Variants in LRP1B observed in about 807,000 individuals in gnomAD.
The protein encoded by LRP1B is LDL receptor related protein 1B, also known as low-density lipoprotein receptor-related protein 1B.
A neutral mutation model predicts 556.6 loss-of-function variants in LRP1B; 217 were observed. The observed-to-expected ratio is 0.39, with a 90% confidence interval of 0.35 to 0.44. The LOEUF is 0.44. LRP1B is among the 20% of genes least tolerant of loss of function. LRP1B has a pLI of 1.00. For missense variants in LRP1B, 5,053 were observed against 5,620.8 expected (o/e 0.90, Z 3.23); for synonymous variants, 2,047 against 1,865.8 (o/e 1.10, Z -2.50).
At chr2:141,128,766 A>G (rs1701279030) in intron 7 of LRP1B, among the ~76,000 whole-genome samples, 1 of 152,134 alleles carries the variant, frequency 6.6e-6, no homozygotes, top group South Asian at 2.1e-4. Context: ...GATTACAGGC[A>G]TGCGCCACCA....
At chr2:141,365,859 G>A (rs1025640736) in intron 3 of LRP1B, among the ~76,000 whole-genome samples, 1 of 151,886 alleles carries the variant, frequency 6.6e-6, no homozygotes, top group Non-Finnish European at 1.5e-5. Flanking sequence ...ATTTTTAGTA[G>A]AGACGGGGTT....
At chr2:142,125,328 G>A (rs139315803) in intron 1 of LRP1B, among the ~76,000 whole-genome samples, 2 of 151,694 alleles carry the variant, frequency 1.3e-5, no homozygotes, top group Non-Finnish European at 3.0e-5. Flanking sequence ...CTAAAATAGA[G>A]GGTTCATATG....
At chr2:141,672,521 A>C (rs1156465397) in intron 2 of LRP1B, among the ~76,000 whole-genome samples, 2 of 152,288 alleles carry the variant, frequency 1.3e-5, no homozygotes, top group South Asian at 2.1e-4. Context: ...GCAGGACTGA[A>C]CTTATAATGT....
chr2:141,199,026 C>T (rs1188653424), intron 6 of LRP1B, among the ~76,000 whole-genome samples: 1 of 152,150 alleles, frequency 6.6e-6, no homozygotes, highest in East Asian at 1.9e-4. Flanking sequence ...CTTTCTAGAC[C>T]CACTGTAAAG....
chr2:141,253,856 G>A (rs201935787), intron 4 of LRP1B, among the ~76,000 whole-genome samples: 1 of 151,324 alleles, frequency 6.6e-6, no homozygotes, highest in Non-Finnish European at 1.5e-5. Context: ...AATATTATAT[G>A]TAGATATAGA....
At chr2:140,810,203 A>ATT (rs5834779) in intron 32 of LRP1B, among the ~76,000 whole-genome samples, 293 of 151,852 alleles carry the variant, frequency 1.9e-3, no homozygotes, top group African/African-American at 6.5e-3. Context: ...GTTCAAAGAG[A>ATT]TTTTTTTTAA....
rs562444755 is a variant in LRP1B at position 141,270,877 on chromosome 2, ACAGTATAAATGTAC to A, written c.344-16250_344-16237del. Among the ~76,000 whole-genome samples, 613 of 152,110 alleles carry A rather than the reference ACAGTATAAATGTAC, an allele frequency of 4.0e-3. 3 individuals carry two copies. The highest frequency in any genetic ancestry group is 0.013 in the African/African-American group (548 of 41,552). ...ATTTCTGAAGATAGATGGTTGCACA[ACAGTATAAATGTAC>A]TTAATACCACTGAACTATATAATTT... On this transcript the variant is annotated intron_variant, in intron 3 of 90. Coordinates refer to ENST00000389484, the MANE Select transcript of LRP1B (RefSeq NM_018557.3).
At chr2:141,639,298 A>ATGTGTGTGTG (rs199723979) in intron 2 of LRP1B, among the ~76,000 whole-genome samples, 8 of 34,498 alleles carry the variant, frequency 2.3e-4, no homozygotes, top group African/African-American at 7.9e-4. Context: ...AGTACGCATC[A>ATGTGTGTGTG]TGTGTGTATA....
intron 41 of LRP1B, among the ~76,000 whole-genome samples, chr2:140,688,657 T>G (rs1268949073): frequency 6.6e-6 from 1 of 152,218 alleles, no homozygotes; most frequent in Non-Finnish European, 1.5e-5. Flanking sequence ...TATCCTTGAA[T>G]CTGAACTTGG....
intron 1 of LRP1B, among the ~76,000 whole-genome samples, chr2:142,060,069 T>G (rs940546334): frequency 6.6e-6 from 1 of 152,098 alleles, no homozygotes; most frequent in East Asian, 1.9e-4. Context: ...CTTGCTAGAA[T>G]AGAATTTCAG....
At chr2:140,804,549 C>A (rs533200282) in intron 32 of LRP1B, among the ~76,000 whole-genome samples, 7 of 150,888 alleles carry the variant, frequency 4.6e-5, no homozygotes, top group Non-Finnish European at 7.4e-5. Flanking sequence ...ATTTATTATA[C>A]CAAGTGATAT....
intron 3 of LRP1B, among the ~76,000 whole-genome samples, chr2:141,393,224 T>TACAC (rs551979362): frequency 6.7e-5 from 10 of 150,298 alleles, no homozygotes; most frequent in African/African-American, 1.5e-4. Context: ...CACATAAACA[T>TACAC]ACACACACAC....
intron 41 of LRP1B, among the ~76,000 whole-genome samples, chr2:140,624,542 T>C (rs1181292254): frequency 2.0e-5 from 3 of 152,174 alleles, no homozygotes; most frequent in Admixed American, 6.6e-5. Flanking sequence ...TACTTATCGC[T>C]GAGGAGTGTC....
intron 7 of LRP1B, among the ~76,000 whole-genome samples, chr2:141,185,783 C>T (rs908970389): frequency 6.7e-6 from 1 of 150,330 alleles, no homozygotes; most frequent in Non-Finnish European, 1.5e-5. Context: ...AATGAAGTTA[C>T]AAATATGCTT....
intron 86 of LRP1B, among the ~76,000 whole-genome samples, chr2:140,264,700 ATATG>A (rs1369983649): frequency 1.2e-4 from 11 of 94,234 alleles, no homozygotes; most frequent in Admixed American, 7.7e-4. Flanking sequence ...AATTGTCTAT[ATATG>A]TGTGTGTGTG....
Position 142,115,815 on chromosome 2 carries a change from ATATG to A in LRP1B, c.82+14829_82+14832del, listed in dbSNP as rs1422883918. Among the ~76,000 whole-genome samples the A allele has an allele frequency of 6.5e-4, 6 of 9,240 alleles. 2 individuals are homozygous for A. The highest frequency in any genetic ancestry group is 1.6e-3 in the African/African-American group (6 of 3,802). 6.1% of individuals were successfully genotyped at this position (9,240 alleles called of 152,430 possible). ...CATATATATGTAATATATATCATAT[ATATG>A]TAATATATATCATATATATGTAATA... On this transcript the variant is annotated intron_variant, in intron 1 of 90. Transcript: ENST00000389484.
chr2:141,360,712 C>T (rs947660516), intron 3 of LRP1B, among the ~76,000 whole-genome samples: 1 of 152,144 alleles, frequency 6.6e-6, no homozygotes, highest in Non-Finnish European at 1.5e-5. Flanking sequence ...AATTCCCCGG[C>T]AGGAGGACCT....
chr2:141,574,120 A>C (rs1192605802), intron 2 of LRP1B, among the ~76,000 whole-genome samples: 1 of 152,198 alleles, frequency 6.6e-6, no homozygotes, highest in Admixed American at 6.5e-5. Flanking sequence ...CCTGATACCA[A>C]AACCAGGAAG....
At chr2:141,561,827 G>A (rs1574081150) in intron 2 of LRP1B, among the ~76,000 whole-genome samples, 1 of 136,988 alleles carries the variant, frequency 7.3e-6, no homozygotes, top group Non-Finnish European at 1.5e-5. Context: ...AAAAAAATAA[G>A]TGAATTCTTC....
Sources: allele counts gnomAD v4.1 joint callset (sites outside exome capture counted in the v4.1 genomes callset), GRCh38; gene constraint gnomAD v4.1.1; transcripts MANE v1.5; gene names NCBI Gene and HGNC (gene_info 2026-07-23, HGNC 2026-07-21).